Variants in NPAT observed in about 807,000 individuals in gnomAD.
The protein encoded by NPAT is protein NPAT.
A neutral mutation model predicts 130.7 loss-of-function variants in NPAT; 52 were observed. That is an observed-to-expected ratio of 0.40 (90% confidence interval 0.32 to 0.50). NPAT has a LOEUF of 0.50. Ranked by LOEUF, NPAT falls within the 20% of genes least tolerant of loss-of-function variation. The pLI, the probability that NPAT is intolerant of heterozygous loss-of-function variation, is 0.68. For missense variants in NPAT, 1,687 were observed against 1,662.6 expected (o/e 1.01, Z -0.26); for synonymous variants, 580 against 584.8 (o/e 0.99, Z 0.12).
chr11:108,170,218 A>C, intron 13 of NPAT, 175 bp from the exon 14 acceptor site: 1 of 588,986 alleles, frequency 1.7e-6, no homozygotes, highest in East Asian at 3.0e-5. Context: ...AACGAAACTG[A>C]AACAGTTTTA....
chr11:108,189,635 C>A (rs1227755502), intron 5 of NPAT, among the ~76,000 whole-genome samples: 5 of 151,932 alleles, frequency 3.3e-5, no homozygotes, highest in Non-Finnish European at 7.4e-5. Context: ...CTTTGGGAGG[C>A]CGAGGCGGGC....
chr11:108,190,514 CA>C lies in NPAT; in HGVS notation c.291-15del. 3 of 1,612,538 alleles carry C rather than the reference CA, an allele frequency of 1.9e-6. No individual in the cohort carries two copies. Among genetic ancestry groups the C allele is most frequent in the Non-Finnish European group, 2.5e-6 (3 of 1,178,644 alleles). On this transcript the variant is annotated splice_polypyrimidine_tract_variant and intron_variant, in intron 4 of 17. Transcript: ENST00000278612. ...CTTTGCATGCTCCTAACAAAGAAAA[CA>C]AAGTAGTTATCCATCAAAAAATGTT... is the stretch of plus-strand genomic sequence containing the variant.
chr11:108,191,188 C>T (rs2078166165), intron 4 of NPAT, among the ~76,000 whole-genome samples: 1 of 152,148 alleles, frequency 6.6e-6, no homozygotes, highest in South Asian at 2.1e-4. Context: ...TGCCTTCCCA[C>T]AGAGAAATTC....
Position 108,209,878 on chromosome 11 carries a change from G to A in NPAT, c.38-12458C>T, listed in dbSNP as rs1455547986. On this transcript the variant is annotated intron_variant, in intron 1 of 17. Transcript: ENST00000278612. ...CACTCCAGCCTGGGGAACAGAGTGAGACTTCATCTCAAAAAAAAAAAAAAA... is the reference window on the plus strand; with the variant it reads ...CACTCCAGCCTGGGGAACAGAGTGAAACTTCATCTCAAAAAAAAAAAAAAA... 4.3e-5 allele frequency among the ~76,000 whole-genome samples: 4 copies of A among 93,012 alleles called. No individual in the cohort carries two copies. In the East Asian group the frequency reaches 1.4e-3, roughly 32 times the overall value. 61.0% of individuals were successfully genotyped at this position (93,012 alleles called of 152,430 possible).
At chr11:108,184,086 C>T (rs975195866) in intron 10 of NPAT, among the ~76,000 whole-genome samples, 9 of 152,172 alleles carry the variant, frequency 5.9e-5, no homozygotes, top group Non-Finnish European at 1.5e-5. Flanking sequence ...CCAATAGCAA[C>T]AGTGACCATT....
At chr11:108,205,077 AAGAC>A (rs1409876999) in intron 1 of NPAT, among the ~76,000 whole-genome samples, 2 of 152,216 alleles carry the variant, frequency 1.3e-5, no homozygotes, top group Non-Finnish European at 2.9e-5. Context: ...TGAAAATACA[AAGAC>A]AAACAAAATC....
In NPAT at chr11:108,173,584, C is replaced by A. The variant is rs746284331; in HGVS notation, c.1400G>T (p.Cys467Phe). Residue 467 changes from cysteine to phenylalanine, a missense_variant, in exon 13 of 18, where the codon TGT (cysteine) becomes TTT (phenylalanine). By Grantham distance (205) the Cys-to-Phe change is radical (BLOSUM62 -2). Transcript: ENST00000278612. ...CATCTGATTGGTGTATAATTCAGCA[C>A]AATGTGGATTACATTCAGCATTAGA... ...GNSNAECNPHCAELYTNQMST... is the reference protein window; with the variant it reads ...GNSNAECNPHFAELYTNQMST... 6.2e-7 allele frequency: 1 copy of A among 1,614,054 alleles called. No homozygotes were observed. The highest frequency in any genetic ancestry group is 1.3e-5 in the African/African-American group (1 of 74,928).
chr11:108,204,379 G>A (rs1052214330), intron 1 of NPAT, among the ~76,000 whole-genome samples: 3 of 88,472 alleles, frequency 3.4e-5, no homozygotes, highest in South Asian at 3.9e-4. Flanking sequence ...TCAGCAACAC[G>A]TGGGGTTACC....
Position 108,161,723 on chromosome 11 carries a change from C to A in NPAT, c.3363G>T (p.Lys1121Asn). Residue 1121 changes from lysine (K) to asparagine (N), a missense_variant, in exon 17 of 18, where the codon AAG (lysine) becomes AAT (asparagine). Physicochemically the swap from Lys to Asn is moderately conservative, Grantham distance 94 (BLOSUM62 0). This residue lies in a region of NPAT where 1,379 missense variants were observed against 1,346.6 expected (regional missense o/e 1.02). Coordinates refer to ENST00000278612, the MANE Select transcript of NPAT (RefSeq NM_002519.3). ...TAGATAAAATCTTAGGCAGAGGAGG[C>A]TTCTCTTTCTCTCTTTTGATAGCAT... Reference protein sequence around the residue: ...SNNAIKREKEKPPLPKILSKS... With the variant: ...SNNAIKREKENPPLPKILSKS... 1.2e-6 allele frequency: 2 copies of A among 1,613,752 alleles called. No individual in the cohort carries two copies. Among genetic ancestry groups the A allele is most frequent in the South Asian group, 2.2e-5 (2 of 91,082 alleles).
At chr11:108,159,369 C>G (rs2077824226) in intron 17 of NPAT, among the ~76,000 whole-genome samples, 1 of 152,122 alleles carries the variant, frequency 6.6e-6, no homozygotes, top group Admixed American at 6.5e-5. Flanking sequence ...AGGTACTTAT[C>G]AGTTCCAAAA....
chr11:108,172,584 T>C lies in NPAT; in HGVS notation c.2400A>G (p.Val800=), dbSNP rs764476963. The C allele has an allele frequency of 4.3e-6, 7 of 1,614,110 alleles. No homozygotes were observed. In the South Asian group the frequency reaches 6.6e-5, roughly 15 times the overall value. ...LSSEETVGAV[V]YAEVGDSASM... Reference sequence around the variant, plus strand: ...AGGCTGAATCCCCTACTTCGGCATATACAACAGCACCTACAGTTTCTTCTG... The same window carrying C: ...AGGCTGAATCCCCTACTTCGGCATACACAACAGCACCTACAGTTTCTTCTG... Residue 800 remains valine, a synonymous_variant, in exon 13 of 18, where the codon GTA becomes GTG. Transcript: ENST00000278612.
intron 1 of NPAT, among the ~76,000 whole-genome samples, chr11:108,212,372 A>G (rs2078392346): frequency 6.6e-6 from 1 of 151,830 alleles, no homozygotes; most frequent in Non-Finnish European, 1.5e-5. Context: ...TAAAAATACA[A>G]AAATTAGCCA....
At chr11:108,165,799 A>C (rs964221057) in intron 15 of NPAT, among the ~76,000 whole-genome samples, 1 of 151,544 alleles carries the variant, frequency 6.6e-6, no homozygotes, top group Non-Finnish European at 1.5e-5. Flanking sequence ...ACGCCTGGCT[A>C]ATTTTTTGTA....
rs540624559 is a variant in NPAT, at chr11:108,161,375, G to A, written c.3711C>T (p.Ser1237=). The change falls in exon 17 of 18, where the codon TCC becomes TCT. Residue 1237 remains serine, a synonymous_variant. Transcript: ENST00000278612. ...TTTCTGTGGTAATCAAAGAACTGGCGGATTTAGTTTGTTCTTGTTTTAGAT... is the reference window on the plus strand; with the variant it reads ...TTTCTGTGGTAATCAAAGAACTGGCAGATTTAGTTTGTTCTTGTTTTAGAT... ...VKDLKQEQTK[S]ASSLITTEML... 74 of 1,614,094 alleles carry A rather than the reference G, an allele frequency of 4.6e-5. No homozygotes were observed. Among genetic ancestry groups the A allele is most frequent in the South Asian group, 3.5e-4 (32 of 91,076 alleles).
chr11:108,197,059 C>T (rs2078229038), intron 2 of NPAT, among the ~76,000 whole-genome samples: 1 of 151,994 alleles, frequency 6.6e-6, no homozygotes, highest in Non-Finnish European at 1.5e-5. Flanking sequence ...CGAAACTAAT[C>T]AGAAACGAGG....
chr11:108,214,805 A>T (rs1203085288), intron 1 of NPAT, among the ~76,000 whole-genome samples: 1 of 151,722 alleles, frequency 6.6e-6, no homozygotes, highest in African/African-American at 2.4e-5. Context: ...GCTAATTTTT[A>T]TATTTTTAGT....
At chr11:108,190,343 A>T in intron 5 of NPAT, 117 bp downstream of exon 5, 1 of 757,526 alleles carries the variant, frequency 1.3e-6, no homozygotes, top group East Asian at 2.8e-5. Flanking sequence ...AAAAAGAAAG[A>T]AAAACAGTAG....
intron 10 of NPAT, among the ~76,000 whole-genome samples, chr11:108,182,120 T>C (rs2078063793): frequency 6.6e-6 from 1 of 152,160 alleles, no homozygotes; most frequent in Non-Finnish European, 1.5e-5. Context: ...CTGCCATTGC[T>C]GTTTAGGGTC....
chr11:108,176,064 T>C (rs1011631845), intron 12 of NPAT, among the ~76,000 whole-genome samples, 182 bp downstream of exon 12: 3 of 152,236 alleles, frequency 2.0e-5, no homozygotes, highest in Non-Finnish European at 2.9e-5. Flanking sequence ...GAATGAATAC[T>C]GTAAATTTTC....
Sources: allele counts gnomAD v4.1 joint callset (sites outside exome capture counted in the v4.1 genomes callset), GRCh38; gene constraint gnomAD v4.1.1; regional missense constraint gnomAD v4.1.1; transcripts MANE v1.5; gene names NCBI Gene and HGNC (gene_info 2026-07-23, HGNC 2026-07-21).